The following PDE1A variants were observed in gnomAD, a reference collection of about 807,000 sequenced individuals.
PDE1A encodes the protein dual specificity calcium/calmodulin-dependent 3',5'-cyclic nucleotide phosphodiesterase 1A.
Under a neutral mutation model 61.7 loss-of-function variants are expected in PDE1A, and 35 were observed. The observed-to-expected ratio is 0.57, with a 90% CI of 0.43 to 0.75. The LOEUF (loss-of-function observed/expected upper bound fraction) is 0.75. Ranked by LOEUF, PDE1A falls within the 30% of genes least tolerant of loss-of-function variation. PDE1A has a pLI of 0.00. For synonymous variants in PDE1A, 232 were observed against 213.2 expected (o/e 1.09, Z -0.77); for missense variants, 597 against 630.6 (o/e 0.95, Z 0.57).
chr2:182,263,436 CT>C (rs1416477798), intron 2 of PDE1A, among the ~76,000 whole-genome samples: 2 of 152,140 alleles, frequency 1.3e-5, no homozygotes, highest in Admixed American at 6.5e-5. Flanking sequence ...TATGCAGCCT[CT>C]TTTTCACTAT....
At chr2:182,631,006 T>TAC in the PDE1A span, among the ~76,000 whole-genome samples, 1 of 151,872 alleles carries the variant, frequency 6.6e-6, no homozygotes, top group South Asian at 2.1e-4. Flanking sequence ...TATATATGTA[T>TAC]ACACACACAC....
chr2:182,579,295 G>A, the PDE1A span, among the ~76,000 whole-genome samples: 6 of 152,180 alleles, frequency 3.9e-5, no homozygotes, highest in African/African-American at 1.4e-4. Flanking sequence ...TGCTTGCTAC[G>A]TAGCATCTGA....
chr2:182,556,480 A>C, the PDE1A span, among the ~76,000 whole-genome samples: 1 of 152,170 alleles, frequency 6.6e-6, no homozygotes, highest in South Asian at 2.1e-4. Flanking sequence ...CTATAAATAA[A>C]TTAAACATTA....
the PDE1A span, among the ~76,000 whole-genome samples, chr2:182,667,914 A>T: frequency 6.6e-6 from 1 of 152,226 alleles, no homozygotes; most frequent in Non-Finnish European, 1.5e-5. Context: ...AGAATACTTG[A>T]GATATAATAT....
At chr2:182,379,506 AG>A (rs751272911) in intron 1 of PDE1A, among the ~76,000 whole-genome samples, 1 of 152,246 alleles carries the variant, frequency 6.6e-6, no homozygotes, top group Non-Finnish European at 1.5e-5. Flanking sequence ...GATAGAAATA[AG>A]GGCTTGGACA....
intron 1 of PDE1A, among the ~76,000 whole-genome samples, chr2:182,280,742 TTTA>T (rs1320444554): frequency 6.6e-6 from 1 of 151,888 alleles, no homozygotes; most frequent in African/African-American, 2.4e-5. Flanking sequence ...TTTATAAATT[TTTA>T]TTTTCAATTT....
chr2:182,162,309 G>A (rs1202078778), intron 13 of PDE1A, among the ~76,000 whole-genome samples: 1 of 152,180 alleles, frequency 6.6e-6, no homozygotes, highest in Non-Finnish European at 1.5e-5. Flanking sequence ...ATTAACAGCA[G>A]AGGCAAAGCA....
At chr2:182,410,079 T>C (rs1702524494) in intron 1 of PDE1A, among the ~76,000 whole-genome samples, 1 of 152,170 alleles carries the variant, frequency 6.6e-6, no homozygotes, top group African/African-American at 2.4e-5. Flanking sequence ...AGGCCAGACA[T>C]GGTGGCTTAT....
At chr2:182,412,843 T>C (rs974768438) in intron 1 of PDE1A, among the ~76,000 whole-genome samples, 6 of 152,174 alleles carry the variant, frequency 3.9e-5, no homozygotes, top group Non-Finnish European at 5.9e-5. Context: ...CATTAAACAA[T>C]GACACAAATT....
At chr2:182,185,529 G>C (rs1220579005) in intron 13 of PDE1A, among the ~76,000 whole-genome samples, 1 of 152,098 alleles carries the variant, frequency 6.6e-6, no homozygotes, top group Non-Finnish European at 1.5e-5. Flanking sequence ...CACACTTAAT[G>C]CAACACAAAA....
intron 7 of PDE1A, among the ~76,000 whole-genome samples, chr2:182,221,908 C>T (rs544651458): frequency 3.9e-5 from 6 of 151,980 alleles, no homozygotes; most frequent in Non-Finnish European, 7.4e-5. Context: ...GATATCAGAC[C>T]AGATGATCTA....
chr2:182,446,849 T>A (rs922239367), intron 2 of PDE1A, among the ~76,000 whole-genome samples: 1 of 151,974 alleles, frequency 6.6e-6, no homozygotes, highest in African/African-American at 2.4e-5. Flanking sequence ...GAAAATTTTT[T>A]AAAATAGTTA....
chr2:182,421,813 A>C (rs1383951192), intron 1 of PDE1A, among the ~76,000 whole-genome samples: 1 of 152,216 alleles, frequency 6.6e-6, no homozygotes, highest in Non-Finnish European at 1.5e-5. Flanking sequence ...TCTTGGTAAT[A>C]CATTTCAAAA....
the PDE1A span, among the ~76,000 whole-genome samples, chr2:182,688,181 A>C: frequency 1.3e-5 from 2 of 152,146 alleles, no homozygotes; most frequent in East Asian, 1.9e-4. Flanking sequence ...CAGAGAATGC[A>C]ACAAAGATAC....
At chr2:182,709,682 TTTCTTTGTAA>T in the PDE1A span, among the ~76,000 whole-genome samples, 1 of 152,238 alleles carries the variant, frequency 6.6e-6, no homozygotes, top group Non-Finnish European at 1.5e-5. Context: ...AATGAAATGC[TTTCTTTGTAA>T]TAACATATCT....
intron 10 of PDE1A, among the ~76,000 whole-genome samples, chr2:182,192,757 C>T (rs941787155): frequency 2.0e-4 from 30 of 152,012 alleles, no homozygotes; most frequent in African/African-American, 7.0e-4. Context: ...TTCTCAGGCC[C>T]CACAGCTTAT....
the PDE1A span, among the ~76,000 whole-genome samples, chr2:182,552,903 T>A: frequency 6.6e-6 from 1 of 152,182 alleles, no homozygotes; most frequent in Non-Finnish European, 1.5e-5. Context: ...TCGCTCGCCA[T>A]CCACCACAGC....
At chr2:182,649,539 G>A in the PDE1A span, among the ~76,000 whole-genome samples, 4 of 151,478 alleles carry the variant, frequency 2.6e-5, no homozygotes, top group Non-Finnish European at 5.9e-5. Context: ...GGAGGCCAAG[G>A]TGGGAGGGTC....
At chr2:182,469,185 T>C (rs967875391) in intron 2 of PDE1A, among the ~76,000 whole-genome samples, 3 of 152,090 alleles carry the variant, frequency 2.0e-5, no homozygotes, top group Non-Finnish European at 2.9e-5. Flanking sequence ...TCTCTAGCTA[T>C]GAAAGTCCTA....
Sources: allele counts gnomAD v4.1 joint callset (sites outside exome capture counted in the v4.1 genomes callset), GRCh38; gene constraint gnomAD v4.1.1; transcripts MANE v1.5; gene names NCBI Gene and HGNC (gene_info 2026-07-23, HGNC 2026-07-21).